The following NEURL1 variants were observed in gnomAD, a reference collection of about 807,000 sequenced individuals.
NEURL1 encodes the protein E3 ubiquitin-protein ligase NEURL1.
In NEURL1, 26 loss-of-function variants were observed where a neutral mutation model predicts 41.2. The observed-to-expected ratio is 0.63, with a 90% CI of 0.46 to 0.87. The LOEUF (loss-of-function observed/expected upper bound fraction) is 0.87. Among genes scored for constraint, NEURL1 ranks in the 40% least tolerant of loss-of-function variants. The pLI is 0.00. For missense variants in NEURL1, 761 were observed against 871.1 expected (o/e 0.87, Z 1.59); for synonymous variants, 400 against 402.3 (o/e 0.99, Z 0.07).
chr10:103,535,910 CA>C (rs2034682000), intron 1 of NEURL1, among the ~76,000 whole-genome samples: 1 of 152,166 alleles, frequency 6.6e-6, no homozygotes, highest in African/African-American at 2.4e-5. Context: ...GTTCCAATTC[CA>C]AGATGGCATA....
intron 1 of NEURL1, among the ~76,000 whole-genome samples, chr10:103,551,132 T>C (rs1370175106): frequency 6.6e-6 from 1 of 152,066 alleles, no homozygotes; most frequent in East Asian, 1.9e-4. Flanking sequence ...ACCCCGTCCA[T>C]GCCCGTTTTA....
intron 1 of NEURL1, among the ~76,000 whole-genome samples, chr10:103,542,032 G>T (rs867747273): frequency 4.6e-5 from 7 of 152,162 alleles, no homozygotes; most frequent in African/African-American, 1.4e-4. Context: ...TCTCAGAGGG[G>T]TTCCAGCACA....
At chr10:103,543,870 A>G (rs890145321) in intron 1 of NEURL1, among the ~76,000 whole-genome samples, 3 of 150,656 alleles carry the variant, frequency 2.0e-5, no homozygotes, top group African/African-American at 4.9e-5. Flanking sequence ...GTGATGTGCC[A>G]TGTTCTAGAA....
At chr10:103,587,686 C>G (rs1203978516) in intron 4 of NEURL1, among the ~76,000 whole-genome samples, 3 of 152,296 alleles carry the variant, frequency 2.0e-5, no homozygotes, top group African/African-American at 7.2e-5. Context: ...GGTGAAACAT[C>G]AGAAATATTC....
At chr10:103,585,624 G>A (rs893929117) in intron 4 of NEURL1, among the ~76,000 whole-genome samples, 1 of 152,130 alleles carries the variant, frequency 6.6e-6, no homozygotes, top group Non-Finnish European at 1.5e-5. Context: ...CATGAGGTCA[G>A]GAGATCAAGA....
intron 4 of NEURL1, among the ~76,000 whole-genome samples, chr10:103,588,507 G>T (rs559585230): frequency 7.2e-5 from 11 of 152,184 alleles, no homozygotes; most frequent in Admixed American, 4.6e-4. Context: ...GCTGTCAGAG[G>T]CTCCCTGGAC....
chr10:103,562,867 A>T (rs1056982952), intron 1 of NEURL1, among the ~76,000 whole-genome samples: 1 of 152,232 alleles, frequency 6.6e-6, no homozygotes, highest in Non-Finnish European at 1.5e-5. Flanking sequence ...CTGGAAATCA[A>T]AGACAGGTGT....
At chr10:103,540,342 C>T (rs185848757) in intron 1 of NEURL1, among the ~76,000 whole-genome samples, 9 of 151,978 alleles carry the variant, frequency 5.9e-5, no homozygotes, top group South Asian at 2.1e-4. Flanking sequence ...CAGGCTGGAG[C>T]GCAGTGGCCT....
chr10:103,588,876 G>T (rs747206335), intron 4 of NEURL1: 1 of 447,314 alleles, frequency 2.2e-6, no homozygotes, highest in South Asian at 1.6e-5. Context: ...AACCTGGGAT[G>T]TGGAGATTGT....
At chr10:103,582,474 A>T (rs995117354) in intron 3 of NEURL1, among the ~76,000 whole-genome samples, 1 of 151,974 alleles carries the variant, frequency 6.6e-6, no homozygotes, top group African/African-American at 2.4e-5. Context: ...CGCCAACACG[A>T]TTCCAGGAAA....
intron 4 of NEURL1, among the ~76,000 whole-genome samples, chr10:103,588,199 A>G (rs1183535659): frequency 6.6e-6 from 1 of 151,632 alleles, no homozygotes; most frequent in African/African-American, 2.4e-5. Context: ...CCAGCTACTC[A>G]GGAGGCTGAG....
chr10:103,509,835 G>C (rs1230044679), intron 1 of NEURL1, among the ~76,000 whole-genome samples: 1 of 152,182 alleles, frequency 6.6e-6, no homozygotes, highest in Non-Finnish European at 1.5e-5. Flanking sequence ...TGATCTTGAG[G>C]CTCCCATTTG....
intron 1 of NEURL1, among the ~76,000 whole-genome samples, chr10:103,541,456 A>G (rs2034819440): frequency 6.6e-6 from 1 of 152,056 alleles, no homozygotes. Context: ...GTTCTGCAAG[A>G]CCTTGGAGTA....
Position 103,584,588 on chromosome 10 carries a change from G to T in NEURL1, c.702G>T (p.Leu234=). The change falls in exon 4 of 6, where the codon CTG becomes CTT. Residue 234 remains leucine, a synonymous_variant. Transcript: ENST00000369780. ...TGCGGCCGCGCTCCTTCACCGCCCT[G>T]CGGCGGCCGTCGCTGCGGCGCGAGG... ...DCLRPRSFTA[L]RRPSLRREAD... The T allele has an allele frequency of 7.1e-7, 1 of 1,415,878 alleles. No individual in the cohort carries two copies. The highest frequency in any genetic ancestry group is 1.5e-5 in the South Asian group (1 of 67,352). 87.7% of individuals were successfully genotyped at this position (1,415,878 alleles called of 1,614,324 possible). A position where few individuals can be genotyped will look rare whatever the true frequency, so the allele number is the denominator to read the frequency against.
chr10:103,588,161 C>T (rs1451592108), intron 4 of NEURL1, among the ~76,000 whole-genome samples: 1 of 152,040 alleles, frequency 6.6e-6, no homozygotes, highest in Non-Finnish European at 1.5e-5. Flanking sequence ...AAAAAATTAG[C>T]TGGGCCTGGT....
intron 1 of NEURL1, among the ~76,000 whole-genome samples, chr10:103,517,081 C>G (rs544030026): frequency 1.1e-4 from 16 of 141,252 alleles, no homozygotes; most frequent in Admixed American, 9.9e-4. Context: ...GGCTGGAGTA[C>G]AGTGGCGTGA....
rs115985087 is a variant in NEURL1 at position 103,562,378 on chromosome 10, G to A, written c.86-8494G>A. ...ACCCTGGGTGACCGAGCCAGACTCC[G>A]TCTCAAAGCAAACAAACAAACAAAA... On this transcript the variant is annotated intron_variant, in intron 1 of 5. Transcript: ENST00000369780. Among the ~76,000 whole-genome samples, 1,490 of 152,264 alleles carry A rather than the reference G, an allele frequency of 9.8e-3. 27 individuals carry two copies. Among genetic ancestry groups the A allele is most frequent in the African/African-American group, 0.034 (1,430 of 41,538 alleles).
intron 1 of NEURL1, among the ~76,000 whole-genome samples, chr10:103,542,862 A>G (rs2034849170): frequency 6.6e-6 from 1 of 152,168 alleles, no homozygotes; most frequent in Non-Finnish European, 1.5e-5. Flanking sequence ...GCTGCTTATC[A>G]TTCTTATTCA....
chr10:103,511,468 G>A (rs1405607886), intron 1 of NEURL1, among the ~76,000 whole-genome samples: 3 of 152,218 alleles, frequency 2.0e-5, no homozygotes, highest in African/African-American at 7.2e-5. Flanking sequence ...GGAAAGGTAG[G>A]CAGGATAGAA....
Sources: gnomAD v4.1 joint callset for allele counts (sites outside exome capture counted in the v4.1 genomes callset) on GRCh38, gnomAD v4.1.1 for gene constraint, MANE v1.5 for transcripts, NCBI Gene and HGNC (gene_info 2026-07-23, HGNC 2026-07-21) for gene names.